FNBP1L: variants seen among roughly 807,000 people sequenced by gnomAD.
FNBP1L encodes the protein formin binding protein 1 like.
A neutral mutation model predicts 91.2 loss-of-function variants in FNBP1L; 36 were observed. The observed-to-expected ratio is 0.39, with a 90% CI of 0.30 to 0.52. FNBP1L has a LOEUF of 0.52. Ranked by LOEUF, FNBP1L falls within the 20% of genes least tolerant of loss-of-function variation. FNBP1L has a pLI of 0.66. For missense variants in FNBP1L, 571 were observed against 732.1 expected (o/e 0.78, Z 2.54); for synonymous variants, 242 against 237.0 (o/e 1.02, Z -0.19).
chr1:93,546,437 G>A lies in FNBP1L; in HGVS notation c.1275-405G>A, dbSNP rs186264446. 3.8e-3 allele frequency among the ~76,000 whole-genome samples: 583 copies of A among 152,188 alleles called. 5 individuals are homozygous for A. Among genetic ancestry groups the A allele is most frequent in the Middle Eastern group, 0.024 (7 of 294 alleles). ...TATTTCTAGCAGAGGTGAGTGGGAG[G>A]ACAATGATGATGTATGAGCTAAGGA... On this transcript the variant is annotated intron_variant, in intron 12 of 16. Coordinates refer to ENST00000271234, the MANE Select transcript of FNBP1L (RefSeq NM_001164473.3).
At chr1:93,459,478 T>C (rs1339906246) in intron 1 of FNBP1L, among the ~76,000 whole-genome samples, 1 of 152,180 alleles carries the variant, frequency 6.6e-6, no homozygotes, top group Non-Finnish European at 1.5e-5. Context: ...GAAAAAATGC[T>C]CAACATCTCT....
intron 10 of FNBP1L, among the ~76,000 whole-genome samples, chr1:93,537,566 T>G (rs535172657): frequency 3.9e-5 from 6 of 152,294 alleles, no homozygotes; most frequent in African/African-American, 1.4e-4. Flanking sequence ...AATGTCCCAG[T>G]GTATTATGTC....
chr1:93,550,879 A>G (rs1672389128), intron 15 of FNBP1L, 68 bp from the exon 16 acceptor site: 1 of 1,362,690 alleles, frequency 7.3e-7, no homozygotes, highest in Non-Finnish European at 9.7e-7. Context: ...TATTTTGTGC[A>G]TTGTATTAGT....
At chr1:93,516,530 C>G (rs962508693) in intron 2 of FNBP1L, among the ~76,000 whole-genome samples, 1 of 152,082 alleles carries the variant, frequency 6.6e-6, no homozygotes, top group African/African-American at 2.4e-5. Context: ...AAAATGACAT[C>G]CTGGGCTGGG....
intron 1 of FNBP1L, among the ~76,000 whole-genome samples, chr1:93,476,558 A>AC (rs1223632586): frequency 1.3e-5 from 2 of 152,214 alleles, no homozygotes; most frequent in African/African-American, 4.8e-5. Context: ...ATAGTTGCAT[A>AC]GAGGGGTAAG....
chr1:93,507,056 AACACACACACACACACACACACACAC>A (rs369423210), intron 2 of FNBP1L, among the ~76,000 whole-genome samples: 1 of 35,018 alleles, frequency 2.9e-5, no homozygotes, highest in African/African-American at 9.4e-5. Flanking sequence ...AAAAACATGG[AACACACACACACACACACACACACAC>A]ACACACACAC....
chr1:93,546,898 C>A lies in FNBP1L; in HGVS notation c.1331C>A (p.Pro444Gln). 1 of 1,612,848 alleles carries A rather than the reference C, an allele frequency of 6.2e-7. No individual in the cohort carries two copies. Among genetic ancestry groups the A allele is most frequent in the Non-Finnish European group, 8.5e-7 (1 of 1,179,386 alleles). ...GAGAAGAATCCACAAATGGGGGATC[C>A]AGGGAGTTTGCAGCCTAAATTAGCA... ...VYEKNPQMGD[P>Q]GSLQPKLAET... The change falls in exon 13 of 17, where the codon CCA (proline) becomes CAA (glutamine). Residue 444 changes from proline to glutamine, a missense_variant. By Grantham distance (76) the Pro-to-Gln change is moderately conservative (BLOSUM62 -1). Coordinates refer to ENST00000271234, the MANE Select transcript of FNBP1L (RefSeq NM_001164473.3).
At chr1:93,466,895 T>C (rs926136394) in intron 1 of FNBP1L, among the ~76,000 whole-genome samples, 1 of 152,210 alleles carries the variant, frequency 6.6e-6, no homozygotes, top group Non-Finnish European at 1.5e-5. Flanking sequence ...TCTAGCTCTG[T>C]CGCCCAGACT....
At chr1:93,536,138 A>C (rs1474534486) in intron 9 of FNBP1L, among the ~76,000 whole-genome samples, 194 bp from the exon 10 acceptor site, 1 of 152,154 alleles carries the variant, frequency 6.6e-6, no homozygotes, top group African/African-American at 2.4e-5. Flanking sequence ...GAAATGGTAC[A>C]TTTTAAAAAG....
At chr1:93,493,520 C>G (rs1314649925) in intron 1 of FNBP1L, among the ~76,000 whole-genome samples, 1 of 152,146 alleles carries the variant, frequency 6.6e-6, no homozygotes, top group Admixed American at 6.5e-5. Context: ...AAATAACTCC[C>G]CATTCCTTCC....
rs1671726872 is a variant in FNBP1L, at chr1:93,532,814, C to T, written c.640-108C>T. 6.6e-6 allele frequency: 5 copies of T among 763,052 alleles called. No homozygotes were observed. The South Asian group carries it at 1.3e-4, about 19-fold the overall frequency. The allele number at this position is 763,052 out of a possible 1,614,324, so 47.3% of individuals were successfully genotyped here. On this transcript the variant is annotated intron_variant, in intron 7 of 16. Coordinates refer to ENST00000271234, the MANE Select transcript of FNBP1L (RefSeq NM_001164473.3). ...TTAAAAGGTATTAACAACAGTGTAA[C>T]TATGAGGGTAGAAATATTTAATTTT...
chr1:93,511,123 C>T (rs1458137844), intron 2 of FNBP1L, among the ~76,000 whole-genome samples: 4 of 152,052 alleles, frequency 2.6e-5, no homozygotes, highest in South Asian at 4.1e-4. Flanking sequence ...AGATACTTCT[C>T]GAGAAGAGCA....
In FNBP1L at chr1:93,467,985, C is replaced by T. The variant is rs145768590; in HGVS notation, c.24+19680C>T. On this transcript the variant is annotated intron_variant, in intron 1 of 16. Transcript: ENST00000271234. ...AATAAAAAATTGCTTCTCTCCTCCC[C>T]ACAATTCCTTTGTGCTTGCCCTAGT... Among the ~76,000 whole-genome samples, 290 of 152,262 alleles carry T rather than the reference C, an allele frequency of 1.9e-3. 2 individuals are homozygous for T. Among genetic ancestry groups the T allele is most frequent in the African/African-American group, 6.7e-3 (279 of 41,556 alleles).
At chr1:93,496,139 G>A (rs1172720108) in intron 1 of FNBP1L, among the ~76,000 whole-genome samples, 2 of 152,068 alleles carry the variant, frequency 1.3e-5, no homozygotes, top group African/African-American at 2.4e-5. Context: ...GATTAGATGA[G>A]GCCCACCCAC....
intron 2 of FNBP1L, among the ~76,000 whole-genome samples, chr1:93,510,795 CT>C (rs1287705426): frequency 2.0e-5 from 3 of 152,046 alleles, no homozygotes; most frequent in African/African-American, 7.2e-5. Context: ...GGCTCAAGAA[CT>C]ACGTGAAGAA....
At chr1:93,546,247 A>C (rs2101773450) in intron 12 of FNBP1L, among the ~76,000 whole-genome samples, 1 of 152,240 alleles carries the variant, frequency 6.6e-6, no homozygotes, top group Admixed American at 6.5e-5. Flanking sequence ...GAAGTCATGA[A>C]GGAAAAGAGT....
chr1:93,448,989 G>C (rs780442259), intron 1 of FNBP1L, among the ~76,000 whole-genome samples: 57 of 152,380 alleles, frequency 3.7e-4, no homozygotes, highest in Middle Eastern at 3.4e-3. Context: ...TGGGCTGGTG[G>C]GTTGGTTTTG....
chr1:93,549,120 AT>A (rs1246415371), intron 14 of FNBP1L, among the ~76,000 whole-genome samples, 157 bp from the exon 15 acceptor site: 18 of 152,212 alleles, frequency 1.2e-4, no homozygotes, highest in Non-Finnish European at 1.2e-4. Flanking sequence ...ATTAGAAGTA[AT>A]TTGTATACTT....
At chr1:93,525,758 G>A (rs952886908) in intron 5 of FNBP1L, among the ~76,000 whole-genome samples, 1 of 152,126 alleles carries the variant, frequency 6.6e-6, no homozygotes, top group African/African-American at 2.4e-5. Flanking sequence ...CATTAACAAT[G>A]CTATAAAAAA....
Sources: gnomAD v4.1 joint callset for allele counts (sites outside exome capture counted in the v4.1 genomes callset) on GRCh38, gnomAD v4.1.1 for gene constraint, MANE v1.5 for transcripts, NCBI Gene and HGNC (gene_info 2026-07-23, HGNC 2026-07-21) for gene names.